Variants in ANKFN1 observed in about 807,000 individuals in gnomAD.
ANKFN1 encodes the protein ankyrin repeat and fibronectin type III domain containing 1, also known as ankyrin repeat and fibronectin type-III domain-containing protein 1.
In ANKFN1, 74 loss-of-function variants were observed where a neutral mutation model predicts 108.7. The observed-to-expected ratio is 0.68, with a 90% CI of 0.56 to 0.83. The LOEUF (loss-of-function observed/expected upper bound fraction) is 0.83, where lower values mean the gene tolerates loss of function less well. ANKFN1 is among the 40% of genes least tolerant of loss of function. The pLI is 0.00. For synonymous variants in ANKFN1, 547 were observed against 516.2 expected (o/e 1.06, Z -0.81); for missense variants, 1,505 against 1,382.3 (o/e 1.09, Z -1.41).
chr17:56,305,340 G>T (rs1423989647), intron 3 of ANKFN1, among the ~76,000 whole-genome samples: 2 of 152,114 alleles, frequency 1.3e-5, no homozygotes, highest in Non-Finnish European at 1.5e-5. Flanking sequence ...ATATCGTATG[G>T]CTTGAAAATA....
chr17:56,355,234 T>C (rs2046344390), intron 6 of ANKFN1, among the ~76,000 whole-genome samples: 1 of 152,194 alleles, frequency 6.6e-6, no homozygotes, highest in Non-Finnish European at 1.5e-5. Flanking sequence ...GCAGTTACAA[T>C]ATGTCAATTA....
intron 14 of ANKFN1, among the ~76,000 whole-genome samples, chr17:56,461,396 G>C (rs1426102655): frequency 6.6e-6 from 1 of 152,130 alleles, no homozygotes; most frequent in Non-Finnish European, 1.5e-5. Flanking sequence ...TTGGAGATTG[G>C]CATATCCCTT....
chr17:56,394,263 A>G (rs2047516786), intron 8 of ANKFN1, among the ~76,000 whole-genome samples: 2 of 152,064 alleles, frequency 1.3e-5, no homozygotes, highest in South Asian at 4.1e-4. Context: ...ATCTTACACT[A>G]TGGTGGCTCC....
chr17:56,174,381 G>C, intron 1 of ANKFN1: 1 of 985,624 alleles, frequency 1.0e-6, no homozygotes, highest in Non-Finnish European at 1.2e-6. Flanking sequence ...AGCTGGATTG[G>C]AGGAGGGAGC....
At chr17:56,204,344 C>A (rs1274488074) in intron 1 of ANKFN1, among the ~76,000 whole-genome samples, 1 of 151,288 alleles carries the variant, frequency 6.6e-6, no homozygotes, top group African/African-American at 2.4e-5. Context: ...CCACGCCCAG[C>A]CTATTTTTAT....
chr17:56,153,798 T>C (rs978817895), intron 1 of ANKFN1, among the ~76,000 whole-genome samples: 2 of 152,106 alleles, frequency 1.3e-5, no homozygotes, highest in African/African-American at 4.8e-5. Context: ...TAGAGACAAG[T>C]TTTTACTTTA....
intron 1 of ANKFN1, chr17:56,156,511 C>G (rs760913122): frequency 1.3e-5 from 2 of 152,252 alleles, no homozygotes; most frequent in African/African-American, 2.4e-5. Context: ...ATTGTCCAAA[C>G]TAATCCCATG....
At chr17:56,401,717 C>G (rs2047772290) in intron 8 of ANKFN1, among the ~76,000 whole-genome samples, 1 of 151,386 alleles carries the variant, frequency 6.6e-6, no homozygotes, top group South Asian at 2.1e-4. Flanking sequence ...GGTACCAATT[C>G]TTCTTTGAAT....
At chr17:56,390,688 C>T (rs773394402) in intron 8 of ANKFN1, among the ~76,000 whole-genome samples, 1 of 152,166 alleles carries the variant, frequency 6.6e-6, no homozygotes, top group African/African-American at 2.4e-5. Flanking sequence ...TCCTGTTTCT[C>T]CACATCCTCA....
chr17:56,470,308 A>G lies in ANKFN1; in HGVS notation c.1773+3737A>G, dbSNP rs950933155. Among the ~76,000 whole-genome samples the G allele has an allele frequency of 2.6e-5, 4 of 152,174 alleles. No individual in the cohort carries two copies. In the East Asian group the frequency reaches 7.7e-4, roughly 29 times the overall value. On this transcript the variant is annotated intron_variant, in intron 15 of 20. Coordinates refer to ENST00000682825, the MANE Select transcript of ANKFN1 (RefSeq NM_001370326.1). ...TATTCTTTTGGGTATATACCCAGTA[A>G]TGGGATTGCTGGGTCAAATAGTATT... is the stretch of plus-strand genomic sequence containing the variant.
At chr17:56,248,218 G>A (rs2043160060) in intron 3 of ANKFN1, among the ~76,000 whole-genome samples, 1 of 152,086 alleles carries the variant, frequency 6.6e-6, no homozygotes. Flanking sequence ...AACACACTGG[G>A]TACTTGAACC....
At chr17:56,204,740 G>A (rs1914372389) in intron 1 of ANKFN1, among the ~76,000 whole-genome samples, 2 of 152,118 alleles carry the variant, frequency 1.3e-5, no homozygotes, top group Non-Finnish European at 2.9e-5. Flanking sequence ...CTTTGCCCCT[G>A]TACCTCCTCC....
intron 4 of ANKFN1, among the ~76,000 whole-genome samples, chr17:56,104,805 T>A (rs953194166): frequency 2.6e-5 from 4 of 152,192 alleles, no homozygotes; most frequent in African/African-American, 9.7e-5. Flanking sequence ...CAGGTAGTAT[T>A]GTAAATCTTT....
chr17:56,145,957 A>G lies in ANKFN1; in HGVS notation c.289-81960A>G, dbSNP rs968654294. The stretch of plus-strand genomic sequence containing the variant: ...GAGACAAGACAAGTTCCTTCCACCT[A>G]TGAGCCTGTAAAATCAAAAGCAAGT... On this transcript the variant is annotated intron_variant, in intron 4 of 12. Transcript: ENST00000635860. Among the ~76,000 whole-genome samples, 5 of 152,202 alleles carry G rather than the reference A, an allele frequency of 3.3e-5. No individual in the cohort carries two copies. In the East Asian group the frequency reaches 5.8e-4, roughly 18 times the overall value.
At chr17:56,438,852 C>CA (rs747673775) in intron 8 of ANKFN1, among the ~76,000 whole-genome samples, 13 of 152,152 alleles carry the variant, frequency 8.5e-5, no homozygotes, top group Non-Finnish European at 1.6e-4. Flanking sequence ...CAAAGGCAAA[C>CA]ATGTGGAGTG....
intron 3 of ANKFN1, among the ~76,000 whole-genome samples, chr17:56,245,382 T>C (rs1917887432): frequency 6.6e-6 from 1 of 152,104 alleles, no homozygotes; most frequent in Non-Finnish European, 1.5e-5. Context: ...GACAACTACT[T>C]TATCTGGTTC....
chr17:56,080,490 G>C (rs1003703093), intron 4 of ANKFN1, among the ~76,000 whole-genome samples: 4 of 152,240 alleles, frequency 2.6e-5, no homozygotes, highest in African/African-American at 9.6e-5. Context: ...AAATAAAAGA[G>C]AAGCTTGTCC....
intron 3 of ANKFN1, among the ~76,000 whole-genome samples, chr17:56,278,726 G>A (rs140623628): frequency 2.9e-4 from 44 of 152,310 alleles, no homozygotes; most frequent in African/African-American, 8.9e-4. Context: ...CCAAGAGACA[G>A]CTTGAAAGAC....
intron 8 of ANKFN1, among the ~76,000 whole-genome samples, chr17:56,413,966 C>G (rs771427971): frequency 6.6e-6 from 1 of 152,218 alleles, no homozygotes; most frequent in Non-Finnish European, 1.5e-5. Flanking sequence ...GCATAAGCCA[C>G]TGCATCCAGC....
Sources: gnomAD v4.1 joint callset for allele counts (sites outside exome capture counted in the v4.1 genomes callset) on GRCh38, gnomAD v4.1.1 for gene constraint, MANE v1.5 for transcripts, NCBI Gene and HGNC (gene_info 2026-07-23, HGNC 2026-07-21) for gene names.